The following PHKA1 variants were observed in gnomAD, a reference collection of about 807,000 sequenced individuals.
The protein encoded by PHKA1 is phosphorylase kinase regulatory subunit alpha 1.
Under a neutral mutation model 110.2 loss-of-function variants are expected in PHKA1, and 60 were observed. The ratio of observed to expected loss-of-function variants is 0.54; its 90% CI spans 0.44 to 0.68. PHKA1 has a LOEUF of 0.68. Ranked by LOEUF, PHKA1 falls within the 30% of genes least tolerant of loss-of-function variation. PHKA1 has a pLI of 0.00. For synonymous variants in PHKA1, 316 were observed against 333.6 expected, an observed-to-expected ratio of 0.95 and a Z score of 0.58; for missense variants, 801 against 942.5, an observed-to-expected ratio of 0.85 and a Z score of 1.97.
At chrX:72,648,405 C>T (rs181151712) in intron 13 of PHKA1, among the ~76,000 whole-genome samples, 2 of 110,678 alleles carry the variant, frequency 1.8e-5, no homozygotes, top group East Asian at 5.6e-4. Flanking sequence ...AAGAATTAGG[C>T]TGAAAAAAAG....
chrX:72,650,473 AG>A lies in PHKA1; in HGVS notation c.1246-6del. 1 of 1,190,619 alleles carries A rather than the reference AG, an allele frequency of 8.4e-7. No individual in the cohort carries two copies. Among genetic ancestry groups the A allele is most frequent in the Non-Finnish European group, 1.1e-6 (1 of 876,963 alleles). ...TTCTCCAGGGGCTAAAAATCCCTAA[AG>A]AAAAACCATAAAAAGACAGATTATT... On this transcript the variant is annotated splice_polypyrimidine_tract_variant and splice_region_variant and intron_variant, in intron 12 of 31. Transcript: ENST00000373542.
At chrX:72,641,875 C>T (rs1168142103) in intron 14 of PHKA1, among the ~76,000 whole-genome samples, 1 of 111,567 alleles carries the variant, frequency 9.0e-6, no homozygotes, top group East Asian at 2.8e-4. Context: ...TTCCTGACTT[C>T]CCCAGGCAAA....
intron 16 of PHKA1, 94 bp from the exon 17 acceptor site, chrX:72,627,143 T>G: frequency 1.5e-6 from 1 of 684,768 alleles, no homozygotes; most frequent in South Asian, 2.2e-5. Context: ...ATTCTGGTGG[T>G]TACAATACAA....
chrX:72,680,251 T>C (rs908447552), intron 5 of PHKA1, among the ~76,000 whole-genome samples: 4 of 111,640 alleles, frequency 3.6e-5, no homozygotes, highest in African/African-American at 6.5e-5. Flanking sequence ...CAACCTCAGG[T>C]GATCCACCCA....
At chrX:72,696,003 T>C in intron 3 of PHKA1, 127 bp from the exon 4 acceptor site, 1 of 581,684 alleles carries the variant, frequency 1.7e-6, no homozygotes, top group Middle Eastern at 4.8e-4. Flanking sequence ...ATTGTGAATA[T>C]TTAAAATACT....
At chrX:72,585,475 A>C (rs1556211043) in intron 29 of PHKA1, among the ~76,000 whole-genome samples, 1 of 112,204 alleles carries the variant, frequency 8.9e-6, no homozygotes, top group South Asian at 3.7e-4. Context: ...AAATAGGAAC[A>C]GCTCCAGTCT....
intron 14 of PHKA1, among the ~76,000 whole-genome samples, chrX:72,643,305 G>A (rs2053320760): frequency 9.0e-6 from 1 of 111,421 alleles, no homozygotes; most frequent in African/African-American, 3.3e-5. Flanking sequence ...TTCTGGGTTT[G>A]TAAGTGGCAA....
intron 6 of PHKA1, among the ~76,000 whole-genome samples, chrX:72,669,212 G>A (rs1556307692): frequency 9.0e-6 from 1 of 110,876 alleles, no homozygotes; most frequent in African/African-American, 3.3e-5. Context: ...CATCCCAGTG[G>A]TGGTCCTGCC....
intron 14 of PHKA1, among the ~76,000 whole-genome samples, chrX:72,641,124 AAAAT>A: frequency 9.0e-6 from 1 of 111,616 alleles, no homozygotes; most frequent in Non-Finnish European, 1.9e-5. Context: ...TTATCTAACA[AAAAT>A]AAATAAAACT....
At chrX:72,707,389 G>C (rs987532173) in intron 2 of PHKA1, among the ~76,000 whole-genome samples, 10 of 111,900 alleles carry the variant, frequency 8.9e-5, no homozygotes, top group African/African-American at 3.2e-4. Context: ...TCCCACCTCT[G>C]TGTGTTCCCA....
In PHKA1 at chrX:72,663,159, AATTC is replaced by A. The variant is rs1168893527; in HGVS notation, c.864+2988_864+2991del. 3.0e-4 allele frequency among the ~76,000 whole-genome samples: 34 copies of A among 111,485 alleles called. 1 individual carries two copies. The highest frequency in any genetic ancestry group is 1.0e-3 in the African/African-American group (31 of 30,718). Reference sequence around the variant, plus strand: ...AGATAGATAATAAAATCAGGAAAACAATTCATGATCTGATGAGAAATTCAACAGA... The same window carrying A: ...AGATAGATAATAAAATCAGGAAAACAATGATCTGATGAGAAATTCAACAGA... On this transcript the variant is annotated intron_variant, in intron 8 of 31. Coordinates refer to ENST00000373542, the MANE Select transcript of PHKA1 (RefSeq NM_002637.4).
chrX:72,609,527 G>A, intron 23 of PHKA1, 97 bp downstream of exon 23: 1 of 606,635 alleles, frequency 1.6e-6, no homozygotes, highest in South Asian at 2.2e-5. Flanking sequence ...GTGAACATAT[G>A]TAGGACATTA....
Position 72,712,791 on chromosome X carries a change from A to G in PHKA1, c.225T>C (p.Tyr75=). Residue 75 remains tyrosine, a synonymous_variant, in exon 2 of 32, where the codon TAT becomes TAC. Coordinates refer to ENST00000373542, the MANE Select transcript of PHKA1 (RefSeq NM_002637.4). ...ADRDEDKAKA[Y]ELEQSVVKLM... ...TTATTTTGAGTACCTGCTCCAATTC[A>G]TAGGCCTTTGCCTTATCCTCATCCC... 5.0e-6 allele frequency: 6 copies of G among 1,209,956 alleles called. No homozygotes were observed. Among genetic ancestry groups the G allele is most frequent in the African/African-American group, 1.7e-5 (1 of 57,664 alleles).
intron 21 of PHKA1, among the ~76,000 whole-genome samples, chrX:72,615,755 A>G (rs1189646091): frequency 7.7e-5 from 5 of 64,626 alleles, no homozygotes; most frequent in Non-Finnish European, 1.1e-4. Flanking sequence ...GGAGGGGGGG[A>G]AGGAAGGAAG....
At chrX:72,703,811 T>C (rs1170145847) in intron 3 of PHKA1, among the ~76,000 whole-genome samples, 4 of 112,539 alleles carry the variant, frequency 3.6e-5, no homozygotes, top group African/African-American at 1.3e-4. Flanking sequence ...TAGACTTCTG[T>C]GCCTGTAGGC....
chrX:72,682,244 G>C (rs1284855990), intron 5 of PHKA1, among the ~76,000 whole-genome samples: 1 of 93,380 alleles, frequency 1.1e-5, no homozygotes, highest in Non-Finnish European at 2.2e-5. Flanking sequence ...AGGTTGGGGG[G>C]TCAGCCCCCC....
chrX:72,696,103 A>T (rs2054106762), intron 3 of PHKA1, among the ~76,000 whole-genome samples: 1 of 111,825 alleles, frequency 8.9e-6, no homozygotes, highest in Admixed American at 9.5e-5. Context: ...AATAATACCA[A>T]ATAGTCAAAA....
chrX:72,580,197 C>T lies in PHKA1; in HGVS notation c.*805G>A, dbSNP rs1268294931. The T allele has an allele frequency of 8.9e-6, 1 of 111,924 alleles. No homozygotes were observed. Among genetic ancestry groups the T allele is most frequent in the Admixed American group, 9.5e-5 (1 of 10,566 alleles). 9.2% of individuals were successfully genotyped at this position (111,924 alleles called of 1,213,427 possible). ...TCCCTTCCTCTCTGGAATTGGGCTCCGGGCTCCATTTCTGGGTTATTCTGC... is the reference window on the plus strand; with the variant it reads ...TCCCTTCCTCTCTGGAATTGGGCTCTGGGCTCCATTTCTGGGTTATTCTGC... On this transcript the variant is annotated 3_prime_UTR_variant, in exon 32 of 32. Transcript: ENST00000373542.
At chrX:72,631,619 T>C (rs1159283808) in intron 16 of PHKA1, among the ~76,000 whole-genome samples, 1 of 110,969 alleles carries the variant, frequency 9.0e-6, no homozygotes, top group Non-Finnish European at 1.9e-5. Context: ...TTTTTTTTTT[T>C]CTTTTTGTAT....
Sources: gnomAD v4.1 joint callset for allele counts (sites outside exome capture counted in the v4.1 genomes callset) on GRCh38, gnomAD v4.1.1 for gene constraint, MANE v1.5 for transcripts, NCBI Gene and HGNC (gene_info 2026-07-23, HGNC 2026-07-21) for gene names.